BCO2: variants seen among roughly 807,000 people sequenced by gnomAD.
BCO2 encodes beta-carotene oxygenase 2, also known as carotenoid-cleaving dioxygenase, mitochondrial.
BCO2 carries 56 observed loss-of-function variants against 65.8 expected under a neutral mutation model. The ratio of observed to expected loss-of-function variants is 0.85; its 90% CI spans 0.69 to 1.06. The LOEUF (loss-of-function observed/expected upper bound fraction) is 1.06, where lower values mean the gene tolerates loss of function less well. Ranked by LOEUF, BCO2 falls within the 50% of genes least tolerant of loss-of-function variation. The pLI is 0.00. For synonymous variants in BCO2, 233 were observed against 242.3 expected (o/e 0.96, Z 0.36); for missense variants, 675 against 698.5 (o/e 0.97, Z 0.38).
At chr11:112,203,050 C>CA (rs547629144) in intron 8 of BCO2, among the ~76,000 whole-genome samples, 47,113 of 105,344 alleles carry the variant, frequency 0.45, 8,977 homozygotes, top group South Asian at 0.63. Flanking sequence ...ACTCCATCTC[C>CA]AAAAAAAAAA....
At chr11:112,196,308 G>C (rs1867572253) in intron 5 of BCO2, among the ~76,000 whole-genome samples, 1 of 151,906 alleles carries the variant, frequency 6.6e-6, no homozygotes, top group South Asian at 2.1e-4. Context: ...TTATGAACTG[G>C]AACTTAATGT....
intron 8 of BCO2, 38 bp from the exon 9 acceptor site, chr11:112,213,686 T>G (rs202129151): frequency 1.3e-6 from 2 of 1,599,794 alleles, no homozygotes. Context: ...TGTTACCATA[T>G]GAATGACAAT....
intron 5 of BCO2, among the ~76,000 whole-genome samples, chr11:112,194,974 A>G (rs574821857): frequency 1.4e-4 from 21 of 152,196 alleles, no homozygotes; most frequent in Non-Finnish European, 2.8e-4. Context: ...TCTAAGTAAA[A>G]TATTTCAGCA....
In BCO2 at chr11:112,181,109, G is replaced by A. The variant is rs1054703741; in HGVS notation, c.293+1627G>A. On this transcript the variant is annotated intron_variant, in intron 2 of 11. Coordinates refer to ENST00000357685, the MANE Select transcript of BCO2 (RefSeq NM_031938.7). ...GAGCACTTTAGTGAATAAAGAACCT[G>A]ACAGTATGCTGGCCCACATGTTTAA... 80 of 1,475,926 alleles carry A rather than the reference G, an allele frequency of 5.4e-5. 1 individual carries two copies. In the Middle Eastern group the frequency reaches 1.2e-3, roughly 22 times the overall value. 91.4% of individuals were successfully genotyped at this position (1,475,926 alleles called of 1,614,324 possible). A position where few individuals can be genotyped will look rare whatever the true frequency, so the allele number is the denominator to read the frequency against.
intron 8 of BCO2, among the ~76,000 whole-genome samples, chr11:112,206,784 G>T (rs146964885): frequency 6.6e-6 from 1 of 152,152 alleles, no homozygotes; most frequent in Non-Finnish European, 1.5e-5. Context: ...TATTGCAACT[G>T]TAGATCAATT....
chr11:112,188,865 C>G (rs1867286338), intron 2 of BCO2, among the ~76,000 whole-genome samples: 1 of 151,868 alleles, frequency 6.6e-6, no homozygotes, highest in South Asian at 2.1e-4. Context: ...ATAGTAGGGA[C>G]TCAAGAAGAT....
chr11:112,182,933 T>A, intron 2 of BCO2: 1 of 1,298,176 alleles, frequency 7.7e-7, no homozygotes, highest in Admixed American at 1.7e-5. Context: ...TTAAAGCCAA[T>A]TTAGAAGGTG....
chr11:112,201,120 A>G (rs1323896785), intron 7 of BCO2, among the ~76,000 whole-genome samples: 1 of 151,850 alleles, frequency 6.6e-6, no homozygotes, highest in Non-Finnish European at 1.5e-5. Flanking sequence ...TACTTTAATT[A>G]GTTGATTCTC....
chr11:112,194,632 C>G, intron 4 of BCO2, 21 bp from the exon 5 acceptor site: 1 of 1,455,214 alleles, frequency 6.9e-7, no homozygotes, highest in Non-Finnish European at 9.6e-7. Context: ...TTAAAAATCT[C>G]CAGTGGTCTC....
intron 2 of BCO2, chr11:112,181,458 G>A (rs1867047343): frequency 1.5e-6 from 1 of 663,436 alleles, no homozygotes; most frequent in South Asian, 1.5e-5. Context: ...TGGGATTACA[G>A]GCGTGAGCCA....
Position 112,175,584 on chromosome 11 carries a change from G to C in BCO2, c.-18G>C. 6.3e-7 allele frequency: 1 copy of C among 1,589,766 alleles called. No homozygotes were observed. Among genetic ancestry groups the C allele is most frequent in the Non-Finnish European group, 8.6e-7 (1 of 1,157,906 alleles). On this transcript the variant is annotated 5_prime_UTR_variant, in exon 1 of 12. Coordinates refer to ENST00000357685, the MANE Select transcript of BCO2 (RefSeq NM_031938.7). The stretch of plus-strand genomic sequence containing the variant: ...GTGTGAGAGGATTTGGAAATCACTG[G>C]ATCTGCTCAATACAAAAATGTTTTT...
At chr11:112,208,066 A>C (rs1896944) in intron 8 of BCO2, among the ~76,000 whole-genome samples, 143,602 of 151,940 alleles carry the variant, frequency 0.95, 68,136 homozygotes, top group East Asian at 1. Flanking sequence ...TTCGAGCAAT[A>C]CTCCCACCTC....
intron 8 of BCO2, chr11:112,208,741 G>T: frequency 5.0e-6 from 1 of 200,660 alleles, no homozygotes; most frequent in Non-Finnish European, 1.1e-5. Context: ...ACCATCTCAC[G>T]ATTCTGCAAT....
At chr11:112,188,697 C>G (rs1200802015) in intron 2 of BCO2, among the ~76,000 whole-genome samples, 2 of 152,020 alleles carry the variant, frequency 1.3e-5, no homozygotes, top group African/African-American at 4.8e-5. Context: ...CTCCTTCCCT[C>G]TTGACCTTTC....
chr11:112,211,319 T>TACACACACACAC (rs71060232), intron 8 of BCO2, among the ~76,000 whole-genome samples: 68 of 128,498 alleles, frequency 5.3e-4, no homozygotes, highest in African/African-American at 2.2e-3. Context: ...TTCGATTGTA[T>TACACACACACAC]ACACACACAC....
intron 7 of BCO2, 93 bp downstream of exon 7, chr11:112,200,866 A>C: frequency 2.2e-6 from 3 of 1,362,460 alleles, no homozygotes; most frequent in Non-Finnish European, 3.1e-6. Flanking sequence ...CCCTGGTTAA[A>C]AGTGCATAAG....
At position 112,216,218 on chromosome 11, in the gene BCO2, A is replaced by AGG; in HGVS notation, c.1516-1_1516dup. On this transcript the variant is annotated splice_acceptor_variant, in intron 10 of 11. Transcript: ENST00000357685. LOFTEE classifies it high-confidence loss of function. ...ATCAAATGCTTTTTTTGGGACTTGC[A>AGG]GGTTTGGAGAGAAGATGGCTTTTAT... 6.2e-7 allele frequency: 1 copy of AGG among 1,611,612 alleles called. No homozygotes were observed. The highest frequency in any genetic ancestry group is 1.1e-5 in the South Asian group (1 of 91,022).
intron 2 of BCO2, among the ~76,000 whole-genome samples, chr11:112,182,193 A>G (rs1282594798): frequency 2.0e-5 from 3 of 152,204 alleles, no homozygotes; most frequent in African/African-American, 2.4e-5. Context: ...TTAAAAAGTC[A>G]GGAAACAACA....
At chr11:112,196,683 C>T (rs184886258) in intron 5 of BCO2, among the ~76,000 whole-genome samples, 263 of 152,276 alleles carry the variant, frequency 1.7e-3, no homozygotes, top group Admixed American at 3.7e-3. Context: ...ACCTAGACCT[C>T]CCAAGTATTT....
Sources: allele counts gnomAD v4.1 joint callset (sites outside exome capture counted in the v4.1 genomes callset), GRCh38; gene constraint gnomAD v4.1.1; transcripts MANE v1.5; gene names NCBI Gene and HGNC (gene_info 2026-07-23, HGNC 2026-07-21).